Variants in RSPH6A observed in about 807,000 individuals in gnomAD.
The protein encoded by RSPH6A is radial spoke head protein 6 homolog A.
Under a neutral mutation model 66.1 loss-of-function variants are expected in RSPH6A, and 49 were observed. The ratio of observed to expected loss-of-function variants is 0.74; its 90% CI spans 0.59 to 0.94. The LOEUF (loss-of-function observed/expected upper bound fraction) is 0.94. Ranked by LOEUF, RSPH6A falls within the 40% of genes least tolerant of loss-of-function variation. RSPH6A has a pLI of 0.00. For missense variants in RSPH6A, 977 were observed against 948.3 expected (o/e 1.03, Z -0.40); for synonymous variants, 419 against 402.4 (o/e 1.04, Z -0.49).
Position 45,801,976 on chromosome 19 carries a change from T to C in RSPH6A, c.1798+144A>G, listed in dbSNP as rs1375667669. On this transcript the variant is annotated intron_variant, in intron 4 of 5. Coordinates refer to ENST00000221538, the MANE Select transcript of RSPH6A (RefSeq NM_030785.4). ...CCAGAACCTCCTGATGGGGCCACTG[T>C]GATTACACCCATTTTTTAGCTGAGA... The C allele has an allele frequency of 9.3e-6, 7 of 751,272 alleles. No individual in the cohort carries two copies. The African/African-American group carries it at 1.1e-4, about 12-fold the overall frequency. 46.5% of individuals were successfully genotyped at this position (751,272 alleles called of 1,614,324 possible).
Position 45,796,103 on chromosome 19 carries a change from C to T in RSPH6A, c.1920G>A (p.Lys640=). 6.4e-7 allele frequency: 1 copy of T among 1,550,844 alleles called. No homozygotes were observed. Among genetic ancestry groups the T allele is most frequent in the Non-Finnish European group, 8.7e-7 (1 of 1,143,252 alleles). The change falls in exon 6 of 6, where the codon AAG becomes AAA. Residue 640 remains lysine, a synonymous_variant. Transcript: ENST00000221538. The stretch of plus-strand genomic sequence containing the variant: ...CCCAGCCGATGTAGATGTTCTCAAA[C>T]TTTCTGGAGAAGCAGTGAGACACTG... ...PGAYAYASGK[K]FENIYIGWGH...
intron 1 of RSPH6A, among the ~76,000 whole-genome samples, chr19:45,814,052 G>A (rs1251886429): frequency 2.0e-5 from 3 of 152,092 alleles, no homozygotes; most frequent in Admixed American, 1.3e-4. Context: ...CCAACTACTC[G>A]GGAGGCTGAA....
rs563247503 is a variant in RSPH6A, at chr19:45,800,001, C to T, written c.1916+445G>A. ...GGCGGAAGTTTCAGTGAGCTGAGAT[C>T]GCACTACTGCACTGTTGCCCAGCCT... On this transcript the variant is annotated intron_variant, in intron 5 of 5. Coordinates refer to ENST00000221538, the MANE Select transcript of RSPH6A (RefSeq NM_030785.4). 6.6e-5 allele frequency among the ~76,000 whole-genome samples: 10 copies of T among 152,268 alleles called. No homozygotes were observed. The South Asian group carries it at 1.0e-3, about 16-fold the overall frequency.
intron 1 of RSPH6A, 67 bp downstream of exon 1, chr19:45,814,460 A>T: frequency 7.2e-7 from 1 of 1,396,464 alleles, no homozygotes; most frequent in Admixed American, 2.6e-5. Context: ...TGACTGAGGC[A>T]GGCACTTCGG....
At chr19:45,800,801 T>TTTTTTTCGCTCTC (rs1970464820) in intron 4 of RSPH6A, among the ~76,000 whole-genome samples, 1 of 69,112 alleles carries the variant, frequency 1.4e-5, no homozygotes, top group Non-Finnish European at 3.5e-5. Context: ...CGCTCTCTTT[T>TTTTTTTCGCTCTC]TTTTTTTTTT....
At chr19:45,801,394 C>T (rs988743262) in intron 4 of RSPH6A, among the ~76,000 whole-genome samples, 1 of 152,204 alleles carries the variant, frequency 6.6e-6, no homozygotes, top group Non-Finnish European at 1.5e-5. Flanking sequence ...CTGGCCCACT[C>T]CTAGCCTCTC....
rs772240744 is a variant in RSPH6A at position 45,805,119 on chromosome 19, G to A, written c.889-103C>T. 1.9e-4 allele frequency: 188 copies of A among 995,856 alleles called. 1 individual carries two copies. Among genetic ancestry groups the A allele is most frequent in the Non-Finnish European group, 2.4e-4 (162 of 685,630 alleles). The allele number at this position is 995,856 out of a possible 1,614,324, so 61.7% of individuals were successfully genotyped here. A position where few individuals can be genotyped will look rare whatever the true frequency, so the allele number is the denominator to read the frequency against. On this transcript the variant is annotated intron_variant, in intron 2 of 5. Coordinates refer to ENST00000221538, the MANE Select transcript of RSPH6A (RefSeq NM_030785.4). ...AGAGTCAAGAGAGCTAAAAGAGGCC[G>A]GGTGCAGTGGCTCACGCCTGTAATC...
At chr19:45,796,300 C>G (rs1970408472) in intron 5 of RSPH6A, among the ~76,000 whole-genome samples, 194 bp from the exon 6 acceptor site, 1 of 151,766 alleles carries the variant, frequency 6.6e-6, no homozygotes, top group Non-Finnish European at 1.5e-5. Flanking sequence ...ACTACAGGCA[C>G]GCGTCACTAC....
intron 5 of RSPH6A, 146 bp downstream of exon 5, chr19:45,800,300 C>A: frequency 1.5e-6 from 1 of 660,566 alleles, no homozygotes; most frequent in Non-Finnish European, 2.6e-6. Context: ...GGTGAAACTC[C>A]TAGGAGCTAT....
rs1395283246 is a variant in RSPH6A, at chr19:45,804,135, T to TGAAC, written c.1653+113_1653+116dup. ...TTGAACCAATGAATGGATGGATGAA[T>TGAAC]GAACGAATGAATATTAGTTGCCCAG... On this transcript the variant is annotated intron_variant, in intron 3 of 5. Coordinates refer to ENST00000221538, the MANE Select transcript of RSPH6A (RefSeq NM_030785.4). The surrounding 1 kb of genome is among the most constrained non-coding windows in gnomAD (Gnocchi z 5.8). The TGAAC allele has an allele frequency of 1.0e-5, 8 of 772,528 alleles. No individual in the cohort carries two copies. 47.9% of individuals were successfully genotyped at this position (772,528 alleles called of 1,614,324 possible).
intron 5 of RSPH6A, among the ~76,000 whole-genome samples, chr19:45,798,697 G>C (rs1029231919): frequency 6.6e-6 from 1 of 151,760 alleles, no homozygotes; most frequent in Non-Finnish European, 1.5e-5. Context: ...AAATTAGCTG[G>C]GCATGGTGGC....
rs1398985189 is a variant in RSPH6A, at chr19:45,814,894, G to A, written c.283C>T (p.Pro95Ser). ...MEYPSVNTGF[P>S]SEFQPQPYSD... ...TAAGGCTGAGGCTGGAACTCTGAGG[G>A]AAAGCCCGTGTTCACAGATGGGTAC... Residue 95 changes from proline (P) to serine (S), a missense_variant, in exon 1 of 6, where the codon CCC becomes TCC. Coordinates refer to ENST00000221538, the MANE Select transcript of RSPH6A (RefSeq NM_030785.4). 1 of 1,614,098 alleles carries A rather than the reference G, an allele frequency of 6.2e-7. No individual in the cohort carries two copies. The highest frequency in any genetic ancestry group is 8.5e-7 in the Non-Finnish European group (1 of 1,180,022).
chr19:45,815,216 C>T lies in RSPH6A; in HGVS notation c.-40G>A. On this transcript the variant is annotated 5_prime_UTR_variant, in exon 1 of 6. Transcript: ENST00000221538. ...CACAGATCTCTAGGAGAAAGGCTTG[C>T]AGACAAGGAGGCCAAGCGAGAGCCA... The T allele has an allele frequency of 1.3e-6, 2 of 1,519,874 alleles. No individual in the cohort carries two copies. Among genetic ancestry groups the T allele is most frequent in the Admixed American group, 2.1e-5 (1 of 46,898 alleles). The allele number at this position is 1,519,874 out of a possible 1,614,324, so 94.1% of individuals were successfully genotyped here.
Position 45,802,503 on chromosome 19 carries a change from AT to A in RSPH6A, c.1654-240del, listed in dbSNP as rs61325479. On this transcript the variant is annotated intron_variant, in intron 3 of 5. Transcript: ENST00000221538. ...ATTCATGCATTCATTCACTCATTGA[AT>A]TTTTTTTTTTTTTTTTTTTTGAGAT... Among the ~76,000 whole-genome samples, 342 of 129,214 alleles carry A rather than the reference AT, an allele frequency of 2.6e-3. 4 individuals carry two copies. The highest frequency in any genetic ancestry group is 7.9e-3 in the Middle Eastern group (2 of 254). The allele number at this position is 129,214 out of a possible 152,430, so 84.8% of individuals were successfully genotyped here. A position where few individuals can be genotyped will look rare whatever the true frequency, so the allele number is the denominator to read the frequency against.
intron 1 of RSPH6A, among the ~76,000 whole-genome samples, chr19:45,814,099 C>G (rs1218906795): frequency 6.6e-6 from 1 of 152,178 alleles, no homozygotes; most frequent in East Asian, 1.9e-4. Flanking sequence ...GGAGAGGTTG[C>G]CCTAAGCCAA....
In RSPH6A at chr19:45,814,560, A is replaced by G; in HGVS notation, c.617T>C (p.Leu206Pro). Residue 206 changes from leucine to proline, a missense_variant, in exon 1 of 6, where the codon CTG (leucine) becomes CCG (proline). Leu to Pro is a moderately conservative substitution (Grantham distance 98). Transcript: ENST00000221538. Reference protein sequence around the residue: ...ELAVQNAKAYLLQTSINCDLS... With the variant: ...ELAVQNAKAYPLQTSINCDLS... ...GTCGCAATTGATGCTGGTCTGCAGC[A>G]GGTAGGCCTTGGCGTTCTGCACGGC... is the stretch of plus-strand genomic sequence containing the variant. 1 of 1,526,622 alleles carries G rather than the reference A, an allele frequency of 6.6e-7. No individual in the cohort carries two copies. The highest frequency in any genetic ancestry group is 1.8e-4 in the Middle Eastern group (1 of 5,650). The allele number at this position is 1,526,622 out of a possible 1,614,324, so 94.6% of individuals were successfully genotyped here. A position where few individuals can be genotyped will look rare whatever the true frequency, so the allele number is the denominator to read the frequency against.
chr19:45,813,458 C>T (rs575025119), intron 1 of RSPH6A, among the ~76,000 whole-genome samples: 1 of 152,242 alleles, frequency 6.6e-6, no homozygotes, highest in South Asian at 2.1e-4. Context: ...ATTCTCCTGC[C>T]TCAACCTCCC....
At chr19:45,802,484 G>A (rs962870065) in intron 3 of RSPH6A, among the ~76,000 whole-genome samples, 6 of 150,488 alleles carry the variant, frequency 4.0e-5, no homozygotes, top group African/African-American at 2.5e-5. Flanking sequence ...CCCCATTCAT[G>A]CATTCATTCA....
intron 1 of RSPH6A, among the ~76,000 whole-genome samples, chr19:45,811,389 C>T (rs762421577): frequency 6.6e-6 from 1 of 150,542 alleles, no homozygotes; most frequent in Non-Finnish European, 1.5e-5. Context: ...ACATATAGTA[C>T]TGAATGGGGC....
Sources: gnomAD v4.1 joint callset for allele counts (sites outside exome capture counted in the v4.1 genomes callset) on GRCh38, gnomAD v4.1.1 for gene constraint, Gnocchi (gnomAD v3.1) non-coding constraint, MANE v1.5 for transcripts, NCBI Gene and HGNC (gene_info 2026-07-23, HGNC 2026-07-21) for gene names.